Variants in MAPK14 observed in about 807,000 individuals in gnomAD.
MAPK14 encodes CSAID-binding protein.
MAPK14 carries 16 observed loss-of-function variants against 49.6 expected under a neutral mutation model. That is an observed-to-expected ratio of 0.32 (90% CI 0.22 to 0.49). The LOEUF is 0.49. Ranked by LOEUF, MAPK14 falls within the 20% of genes least tolerant of loss-of-function variation. The probability of loss-of-function intolerance (pLI) is 0.99; values close to 1 mark genes in which losing one functional copy is unlikely to be tolerated. For missense variants in MAPK14, 200 were observed against 441.2 expected, an observed-to-expected ratio of 0.45 and a Z score of 4.90; for synonymous variants, 142 against 158.0, an observed-to-expected ratio of 0.90 and a Z score of 0.76.
At chr6:36,047,165 T>C (rs1763211756) in intron 1 of MAPK14, among the ~76,000 whole-genome samples, 1 of 152,200 alleles carries the variant, frequency 6.6e-6, no homozygotes, top group Non-Finnish European at 1.5e-5. Flanking sequence ...ACCACCCTCT[T>C]TTATGTGAGA....
intron 1 of MAPK14, among the ~76,000 whole-genome samples, chr6:36,035,380 T>C (rs1654597507): frequency 6.6e-6 from 1 of 152,268 alleles, no homozygotes; most frequent in African/African-American, 2.4e-5. Flanking sequence ...ACATTGTGTG[T>C]GTTCTGACTG....
chr6:36,094,857 TG>T (rs1390332348), intron 8 of MAPK14, among the ~76,000 whole-genome samples: 1 of 151,736 alleles, frequency 6.6e-6, no homozygotes, highest in Non-Finnish European at 1.5e-5. Context: ...GAGAGAGAAT[TG>T]GGGGGTGGGG....
the MAPK14 span, among the ~76,000 whole-genome samples, chr6:36,118,813 C>G: frequency 6.6e-6 from 1 of 152,180 alleles, no homozygotes; most frequent in Admixed American, 6.5e-5. Flanking sequence ...AGGCAAACAG[C>G]CGAGTGGCTG....
At chr6:36,045,927 A>G (rs1763163138) in intron 1 of MAPK14, among the ~76,000 whole-genome samples, 1 of 151,884 alleles carries the variant, frequency 6.6e-6, no homozygotes, top group Non-Finnish European at 1.5e-5. Context: ...TTTTATATAT[A>G]TAATTCCAGT....
chr6:36,100,071 A>G (rs1468100393), intron 9 of MAPK14: 2 of 686,516 alleles, frequency 2.9e-6, no homozygotes, highest in Non-Finnish European at 5.4e-6. Flanking sequence ...GGTAGGGGGA[A>G]TGGAGGGTAG....
chr6:36,088,505 G>A (rs1215949179), intron 8 of MAPK14, among the ~76,000 whole-genome samples: 4 of 152,056 alleles, frequency 2.6e-5, no homozygotes, highest in Non-Finnish European at 4.4e-5. Context: ...GGTGGATCAC[G>A]AGGTCAGGAG....
At chr6:36,077,595 C>G (rs1218983299) in intron 8 of MAPK14, among the ~76,000 whole-genome samples, 3 of 152,078 alleles carry the variant, frequency 2.0e-5, no homozygotes, top group Non-Finnish European at 4.4e-5. Context: ...TTCATGATAT[C>G]TACCCACGTG....
chr6:36,041,312 G>GT lies in MAPK14; in HGVS notation c.117-11381dup, dbSNP rs201107945. On this transcript the variant is annotated intron_variant, in intron 1 of 11. Coordinates refer to ENST00000229794, the MANE Select transcript of MAPK14 (RefSeq NM_139012.3). ...ATTCTCCTATTTCATCCATTGGTCA[G>GT]TTTTTTCTTCCTCTTTTCTTTCTGC... 9.0e-3 allele frequency among the ~76,000 whole-genome samples: 1,355 copies of GT among 151,032 alleles called. 17 individuals are homozygous for GT. The highest frequency in any genetic ancestry group is 0.032 in the African/African-American group (1,301 of 41,074).
At chr6:36,101,917 A>G (rs1765652713) in intron 9 of MAPK14, among the ~76,000 whole-genome samples, 1 of 152,242 alleles carries the variant, frequency 6.6e-6, no homozygotes, top group Admixed American at 6.5e-5. Flanking sequence ...GAGGTGGTTA[A>G]GATAGACAGC....
chr6:36,094,753 C>T (rs959332775), intron 8 of MAPK14, among the ~76,000 whole-genome samples: 81 of 152,260 alleles, frequency 5.3e-4, no homozygotes, highest in African/African-American at 1.7e-3. Context: ...CCCCTGTCCT[C>T]GTAGAGCTGT....
intron 2 of MAPK14, among the ~76,000 whole-genome samples, chr6:36,057,425 T>C (rs950157702): frequency 6.6e-6 from 1 of 152,344 alleles, no homozygotes; most frequent in Admixed American, 6.5e-5. Context: ...TACTGTTGTC[T>C]GGGTAAGATC....
intron 3 of MAPK14, among the ~76,000 whole-genome samples, chr6:36,072,522 T>C (rs761351201): frequency 3.3e-5 from 5 of 151,878 alleles, no homozygotes; most frequent in Non-Finnish European, 7.4e-5. Context: ...ATCCCAGCAC[T>C]TTGGGAGGCT....
At chr6:36,072,449 G>C (rs938783873) in intron 3 of MAPK14, among the ~76,000 whole-genome samples, 11 of 152,152 alleles carry the variant, frequency 7.2e-5, no homozygotes, top group Admixed American at 5.9e-4. Flanking sequence ...ACCATTTTAA[G>C]GGAAGGGTAG....
At chr6:36,042,699 A>T (rs1479311314) in intron 1 of MAPK14, among the ~76,000 whole-genome samples, 4 of 150,904 alleles carry the variant, frequency 2.7e-5, no homozygotes, top group African/African-American at 9.8e-5. Flanking sequence ...TCACTATGTC[A>T]TGAAGTTGCC....
chr6:36,060,873 T>C (rs1763792778), intron 3 of MAPK14, among the ~76,000 whole-genome samples: 1 of 152,124 alleles, frequency 6.6e-6, no homozygotes, highest in African/African-American at 2.4e-5. Context: ...ACCTACAAGA[T>C]CTCCTTGGCT....
At chr6:36,042,551 C>T (rs1356123890) in intron 1 of MAPK14, among the ~76,000 whole-genome samples, 2 of 139,588 alleles carry the variant, frequency 1.4e-5, no homozygotes, top group East Asian at 2.2e-4. Context: ...AGTGTAGTTA[C>T]GCAGTCAATG....
At position 36,107,459 on chromosome 6, in the gene MAPK14, C is replaced by A; in HGVS notation, c.846C>A (p.Val282=). Reference sequence around the variant, plus strand: ...TCCTGTCTATGGTACTGATAGCTGTCGACTTGCTGGAGAAGATGCTTGTAT... The same window carrying A: ...TCCTGTCTATGGTACTGATAGCTGTAGACTTGCTGGAGAAGATGCTTGTAT... ...NVFIGANPLA[V]DLLEKMLVLD... Residue 282 remains valine (V), a synonymous_variant, in exon 11 of 12, where the codon GTC becomes GTA. Coordinates refer to ENST00000229794, the MANE Select transcript of MAPK14 (RefSeq NM_139012.3). This position sits in a 1 kb window ranked among gnomAD's most constrained non-coding sequence, Gnocchi z 4.3. 1 of 1,535,810 alleles carries A rather than the reference C, an allele frequency of 6.5e-7. No individual in the cohort carries two copies. Among genetic ancestry groups the A allele is most frequent in the Non-Finnish European group, 8.8e-7 (1 of 1,141,114 alleles).
At chr6:36,035,629 A>T (rs1394810531) in intron 1 of MAPK14, among the ~76,000 whole-genome samples, 4 of 152,030 alleles carry the variant, frequency 2.6e-5, no homozygotes, top group Non-Finnish European at 5.9e-5. Flanking sequence ...CAAACAGCCA[A>T]TTTGTGAATG....
chr6:36,091,563 CT>C (rs1270616127), intron 8 of MAPK14, among the ~76,000 whole-genome samples: 4 of 152,184 alleles, frequency 2.6e-5, no homozygotes, highest in Non-Finnish European at 5.9e-5. Flanking sequence ...GACGCTCCTT[CT>C]GGTCTTAACT....
Sources: allele counts gnomAD v4.1 joint callset (sites outside exome capture counted in the v4.1 genomes callset), GRCh38; gene constraint gnomAD v4.1.1; non-coding constraint Gnocchi (gnomAD v3.1); transcripts MANE v1.5; gene names NCBI Gene and HGNC (gene_info 2026-07-23, HGNC 2026-07-21).